Variants in MACROD2 observed in about 807,000 individuals in gnomAD.
MACROD2 encodes the protein mono-ADP ribosylhydrolase 2.
A neutral mutation model predicts 70.4 loss-of-function variants in MACROD2; 36 were observed. The ratio of observed to expected loss-of-function variants is 0.51; its 90% CI spans 0.39 to 0.68. The LOEUF is 0.68. MACROD2 is among the 30% of genes least tolerant of loss of function. MACROD2 has a pLI of 0.00. For missense variants in MACROD2, 496 were observed against 538.4 expected, an observed-to-expected ratio of 0.92 and a Z score of 0.78; for synonymous variants, 172 against 178.8, an observed-to-expected ratio of 0.96 and a Z score of 0.30.
chr20:15,945,964 G>T (rs1199521815), intron 12 of MACROD2, among the ~76,000 whole-genome samples: 1 of 152,136 alleles, frequency 6.6e-6, no homozygotes, highest in Non-Finnish European at 1.5e-5. Flanking sequence ...TGTGCAAGGT[G>T]AGCAGGGATT....
chr20:14,751,401 T>C (rs1277213686), intron 5 of MACROD2, among the ~76,000 whole-genome samples: 2 of 152,138 alleles, frequency 1.3e-5, no homozygotes, highest in Non-Finnish European at 2.9e-5. Flanking sequence ...CTCAAATCCA[T>C]GTGCTTCTTC....
intron 8 of MACROD2, among the ~76,000 whole-genome samples, chr20:15,751,878 G>GTT (rs11438983): frequency 6.8e-6 from 1 of 146,402 alleles, no homozygotes; most frequent in Non-Finnish European, 1.5e-5. Flanking sequence ...TATGTCAGAG[G>GTT]TTTTTTTTTT....
intron 8 of MACROD2, among the ~76,000 whole-genome samples, chr20:15,658,658 C>G (rs920089564): frequency 1.3e-5 from 2 of 152,200 alleles, no homozygotes; most frequent in African/African-American, 4.8e-5. Flanking sequence ...GGCTACCCAA[C>G]CCACTAGCCC....
intron 15 of MACROD2, among the ~76,000 whole-genome samples, chr20:16,033,830 A>C (rs571965491): frequency 6.7e-6 from 1 of 148,268 alleles, no homozygotes; most frequent in East Asian, 2.2e-4. Context: ...AGCAGACTTG[A>C]GGTTCAGAAC....
chr20:14,081,567 G>A (rs945598474), intron 2 of MACROD2, among the ~76,000 whole-genome samples: 1 of 152,192 alleles, frequency 6.6e-6, no homozygotes, highest in Non-Finnish European at 1.5e-5. Flanking sequence ...GAATGTCCAT[G>A]AGGGCGATAT....
chr20:15,290,482 T>C (rs1252292420), intron 6 of MACROD2, among the ~76,000 whole-genome samples: 1 of 152,186 alleles, frequency 6.6e-6, no homozygotes, highest in Admixed American at 6.5e-5. Context: ...TGGGATTTCC[T>C]AAGAGATGCT....
At chr20:15,422,953 C>T (rs1600390625) in intron 6 of MACROD2, among the ~76,000 whole-genome samples, 1 of 152,272 alleles carries the variant, frequency 6.6e-6, no homozygotes, top group South Asian at 2.1e-4. Context: ...TAACTTTGGT[C>T]ATTTACATTC....
chr20:14,717,323 C>G (rs1376104352), intron 5 of MACROD2, among the ~76,000 whole-genome samples: 1 of 152,160 alleles, frequency 6.6e-6, no homozygotes, highest in African/African-American at 2.4e-5. Flanking sequence ...CTGTCTCTTT[C>G]TTCAGAGGAC....
chr20:15,529,042 A>G (rs753488997), intron 8 of MACROD2, among the ~76,000 whole-genome samples: 10 of 152,126 alleles, frequency 6.6e-5, no homozygotes, highest in African/African-American at 1.2e-4. Context: ...TTTCTCCCCA[A>G]TGTAACATTC....
chr20:14,396,382 T>C (rs945249441), intron 3 of MACROD2, among the ~76,000 whole-genome samples: 23 of 152,212 alleles, frequency 1.5e-4, no homozygotes, highest in African/African-American at 5.5e-4. Flanking sequence ...TTCATATGTT[T>C]TGAATCTTTG....
chr20:15,347,439 G>A (rs76061213), intron 6 of MACROD2, among the ~76,000 whole-genome samples: 13,586 of 152,168 alleles, frequency 0.089, 763 homozygotes, highest in Non-Finnish European at 0.13. Context: ...CAGAACCCCA[G>A]AGAACTGGTT....
chr20:15,800,366 A>G (rs979774373), intron 8 of MACROD2, among the ~76,000 whole-genome samples: 2 of 152,186 alleles, frequency 1.3e-5, no homozygotes, highest in East Asian at 3.9e-4. Flanking sequence ...GCCTAGACCA[A>G]TGTCCTGAAG....
intron 8 of MACROD2, among the ~76,000 whole-genome samples, chr20:15,754,749 G>A (rs185035764): frequency 1.3e-5 from 2 of 149,670 alleles, no homozygotes; most frequent in Admixed American, 1.3e-4. Flanking sequence ...TGTTGCCCTG[G>A]CCATTATGTA....
At chr20:15,992,702 G>T (rs1233831168) in intron 15 of MACROD2, among the ~76,000 whole-genome samples, 1 of 152,174 alleles carries the variant, frequency 6.6e-6, no homozygotes, top group Non-Finnish European at 1.5e-5. Context: ...TTCATTTACA[G>T]TTTAACTTTG....
In MACROD2 at chr20:14,322,175, AATATATATATAT is replaced by A. The variant is rs374464781; in HGVS notation, c.272-171289_272-171278del. Among the ~76,000 whole-genome samples, 39 of 66,378 alleles carry A rather than the reference AATATATATATAT, an allele frequency of 5.9e-4. 3 individuals are homozygous for A. Among genetic ancestry groups the A allele is most frequent in the African/African-American group, 1.3e-3 (29 of 21,892 alleles). 43.5% of individuals were successfully genotyped at this position (66,378 alleles called of 152,430 possible). A position where few individuals can be genotyped will look rare whatever the true frequency, so the allele number is the denominator to read the frequency against. On this transcript the variant is annotated intron_variant, in intron 3 of 17. Coordinates refer to ENST00000684519, the MANE Select transcript of MACROD2 (RefSeq NM_001351661.2). ...GACTTGTATCTTGATATTCTATTGA[AATATATATATAT>A]ATATATATATATATTTTGTATTTTG...
chr20:14,432,574 C>T lies in MACROD2; in HGVS notation c.272-60905C>T, dbSNP rs530522369. ...ATACAGATTGTTATTTTAGAGCCCA[C>T]TTAATAGTTGTTACTTTCTGTTTTC... On this transcript the variant is annotated intron_variant, in intron 3 of 17. Coordinates refer to ENST00000684519, the MANE Select transcript of MACROD2 (RefSeq NM_001351661.2). Among the ~76,000 whole-genome samples the T allele has an allele frequency of 2.0e-5, 3 of 152,216 alleles. No individual in the cohort carries two copies. In the South Asian group the frequency reaches 6.2e-4, roughly 32 times the overall value.
chr20:14,098,238 C>T (rs1403390304), intron 3 of MACROD2, among the ~76,000 whole-genome samples: 9 of 152,134 alleles, frequency 5.9e-5, no homozygotes, highest in Non-Finnish European at 1.3e-4. Context: ...ATGTGTAAGA[C>T]CAACTAACAG....
At chr20:14,591,220 G>A (rs1981747783) in intron 4 of MACROD2, among the ~76,000 whole-genome samples, 2 of 152,006 alleles carry the variant, frequency 1.3e-5, no homozygotes, top group East Asian at 3.8e-4. Flanking sequence ...TAGTGCCATT[G>A]AGCTTCTTTC....
At chr20:14,457,286 A>G (rs569104972) in intron 3 of MACROD2, among the ~76,000 whole-genome samples, 1 of 152,200 alleles carries the variant, frequency 6.6e-6, no homozygotes, top group Admixed American at 6.5e-5. Context: ...TGATCGCTTT[A>G]TTAATGCTTC....
Sources: gnomAD v4.1 joint callset for allele counts (sites outside exome capture counted in the v4.1 genomes callset) on GRCh38, gnomAD v4.1.1 for gene constraint, MANE v1.5 for transcripts, NCBI Gene and HGNC (gene_info 2026-07-23, HGNC 2026-07-21) for gene names.